The following ADGRL3 variants were observed in gnomAD, a reference collection of about 807,000 sequenced individuals.
ADGRL3 encodes the protein calcium-independent alpha-latrotoxin receptor 3.
In ADGRL3, 62 loss-of-function variants were observed where a neutral mutation model predicts 153.5. The observed-to-expected ratio is 0.40, with a 90% CI of 0.33 to 0.50. The LOEUF (loss-of-function observed/expected upper bound fraction) is 0.50, where lower values mean the gene tolerates loss of function less well. Among genes scored for constraint, ADGRL3 ranks in the 20% least tolerant of loss-of-function variants. ADGRL3 has a pLI of 0.47. For missense variants in ADGRL3, 1,641 were observed against 1,859.4 expected (o/e 0.88, Z 2.16); for synonymous variants, 710 against 672.5 (o/e 1.06, Z -0.86).
At chr4:61,650,017 C>T (rs2094187807) in intron 5 of ADGRL3, among the ~76,000 whole-genome samples, 1 of 152,136 alleles carries the variant, frequency 6.6e-6, no homozygotes, top group African/African-American at 2.4e-5. Flanking sequence ...GGAGTTAAAG[C>T]TGCAGTTTGT....
chr4:61,746,491 A>C (rs2096663234), intron 8 of ADGRL3, among the ~76,000 whole-genome samples: 1 of 152,178 alleles, frequency 6.6e-6, no homozygotes, highest in African/African-American at 2.4e-5. Flanking sequence ...AAAGAACAGA[A>C]ATTATAACAA....
chr4:61,304,506 C>G (rs1280314342), intron 1 of ADGRL3, among the ~76,000 whole-genome samples: 1 of 152,204 alleles, frequency 6.6e-6, no homozygotes, highest in Non-Finnish European at 1.5e-5. Flanking sequence ...GTACTTTATG[C>G]ATTCTTACCC....
At chr4:61,362,403 C>A (rs975925317) in intron 1 of ADGRL3, among the ~76,000 whole-genome samples, 5 of 151,780 alleles carry the variant, frequency 3.3e-5, no homozygotes, top group Non-Finnish European at 7.4e-5. Flanking sequence ...AGGAGCACCA[C>A]CCCTCCACCT....
At chr4:61,674,888 T>C (rs990513617) in intron 5 of ADGRL3, among the ~76,000 whole-genome samples, 3 of 151,984 alleles carry the variant, frequency 2.0e-5, no homozygotes, top group African/African-American at 4.8e-5. Flanking sequence ...CGAGATAACA[T>C]ATTTGTGGTG....
At chr4:61,423,235 C>T (rs981215406) in intron 2 of ADGRL3, among the ~76,000 whole-genome samples, 4 of 152,080 alleles carry the variant, frequency 2.6e-5, no homozygotes, top group South Asian at 2.1e-4. Context: ...AGTTGAGAGT[C>T]GACTACCCAA....
chr4:61,336,781 G>C (rs1359270974), intron 1 of ADGRL3, among the ~76,000 whole-genome samples: 1 of 151,480 alleles, frequency 6.6e-6, no homozygotes, highest in African/African-American at 2.4e-5. Context: ...TGAATGCAAA[G>C]CTTCATGATA....
chr4:62,000,365 A>G (rs2099135851), intron 21 of ADGRL3, among the ~76,000 whole-genome samples: 1 of 152,016 alleles, frequency 6.6e-6, no homozygotes, highest in Non-Finnish European at 1.5e-5. Context: ...ATAGTTTAAA[A>G]TATCAATTTG....
chr4:61,572,084 T>C (rs2098841339), intron 4 of ADGRL3, among the ~76,000 whole-genome samples: 1 of 152,194 alleles, frequency 6.6e-6, no homozygotes, highest in Non-Finnish European at 1.5e-5. Context: ...AAGATTTTAA[T>C]AATATTTGTT....
chr4:61,267,822 A>G (rs1318982182), intron 1 of ADGRL3, among the ~76,000 whole-genome samples: 1 of 81,230 alleles, frequency 1.2e-5, no homozygotes, highest in Non-Finnish European at 2.4e-5. Context: ...GGAGAGTTTT[A>G]GTTGACTTCA....
chr4:61,828,719 C>T (rs1216701210), intron 9 of ADGRL3, among the ~76,000 whole-genome samples: 1 of 152,088 alleles, frequency 6.6e-6, no homozygotes, highest in Non-Finnish European at 1.5e-5. Context: ...ACTTTGAAAA[C>T]ATTGGTGAAA....
chr4:61,604,244 C>T (rs893134707), intron 5 of ADGRL3, among the ~76,000 whole-genome samples: 1 of 152,088 alleles, frequency 6.6e-6, no homozygotes, highest in Non-Finnish European at 1.5e-5. Flanking sequence ...GAGCTGAGAC[C>T]TGGATGCCTT....
At chr4:61,563,921 T>G (rs2098805918) in intron 4 of ADGRL3, among the ~76,000 whole-genome samples, 1 of 151,904 alleles carries the variant, frequency 6.6e-6, no homozygotes, top group African/African-American at 2.4e-5. Flanking sequence ...GGCAGGAGAA[T>G]CGATTGAACT....
chr4:61,715,947 TAAAAAA>T (rs59481591), intron 6 of ADGRL3, among the ~76,000 whole-genome samples: 2 of 85,428 alleles, frequency 2.3e-5, no homozygotes, highest in Admixed American at 1.3e-4. Context: ...GCCCTTAAAG[TAAAAAA>T]AAAAAAAAAA....
chr4:61,553,056 T>G (rs2098747601), intron 4 of ADGRL3, among the ~76,000 whole-genome samples: 1 of 152,212 alleles, frequency 6.6e-6, no homozygotes, highest in Non-Finnish European at 1.5e-5. Context: ...TTTGGCTTAT[T>G]GCGCCTGAGC....
chr4:61,525,260 G>C (rs777208770), intron 4 of ADGRL3, among the ~76,000 whole-genome samples: 46 of 152,176 alleles, frequency 3.0e-4, no homozygotes, highest in Admixed American at 5.9e-4. Flanking sequence ...AAATTCCTAG[G>C]ATAATTTGCA....
intron 3 of ADGRL3, among the ~76,000 whole-genome samples, chr4:61,501,133 G>A (rs577393860): frequency 1.9e-4 from 29 of 152,242 alleles, no homozygotes; most frequent in African/African-American, 6.7e-4. Context: ...TACTGGCTCT[G>A]TAATCCTGTT....
At chr4:61,562,138 G>A (rs1013576269) in intron 4 of ADGRL3, among the ~76,000 whole-genome samples, 2 of 152,106 alleles carry the variant, frequency 1.3e-5, no homozygotes, top group Admixed American at 6.6e-5. Context: ...ACACTATTCT[G>A]TAGCCTATTA....
intron 13 of ADGRL3, among the ~76,000 whole-genome samples, chr4:61,929,264 G>A (rs761763389): frequency 6.6e-6 from 1 of 152,170 alleles, no homozygotes; most frequent in Admixed American, 6.5e-5. Context: ...GATGCAGAGT[G>A]AAACCTCACC....
intron 9 of ADGRL3, among the ~76,000 whole-genome samples, chr4:61,849,566 A>T (rs755561954): frequency 2.6e-5 from 4 of 151,908 alleles, no homozygotes; most frequent in East Asian, 3.9e-4. Flanking sequence ...GACTCTTTCT[A>T]TGTAACTCTA....
Sources: gnomAD v4.1 joint callset for allele counts (sites outside exome capture counted in the v4.1 genomes callset) on GRCh38, gnomAD v4.1.1 for gene constraint, MANE v1.5 for transcripts, NCBI Gene and HGNC (gene_info 2026-07-23, HGNC 2026-07-21) for gene names.